FASN: variants seen among roughly 807,000 people sequenced by gnomAD.
The protein encoded by FASN is 3-hydroxyacyl-[acyl-carrier-protein] dehydratase.
A neutral mutation model predicts 250.0 loss-of-function variants in FASN; 50 were observed. The observed-to-expected ratio is 0.20, with a 90% CI of 0.16 to 0.25. The LOEUF is 0.25. Ranked by LOEUF, FASN falls within the 10% of genes least tolerant of loss-of-function variation. The probability of loss-of-function intolerance (pLI) is 1.00; values close to 1 mark genes in which losing one functional copy is unlikely to be tolerated. For missense variants in FASN, 3,031 were observed against 3,498.5 expected, an observed-to-expected ratio of 0.87 and a Z score of 3.37; for synonymous variants, 1,909 against 1,584.0, an observed-to-expected ratio of 1.21 and a Z score of -4.87.
In FASN at chr17:82,088,044, G is replaced by A. The variant is rs762317499; in HGVS notation, c.2786-10C>T. 1.6e-5 allele frequency: 26 copies of A among 1,612,614 alleles called. No individual in the cohort carries two copies. The highest frequency in any genetic ancestry group is 1.6e-4 in the Middle Eastern group (1 of 6,084). ...TCCAGGGACACTGTCCCTGCAGAGC[G>A]GGAGAGTTGGAGATCAGAGGGCAGC... On this transcript the variant is annotated splice_polypyrimidine_tract_variant and intron_variant, in intron 17 of 42. Transcript: ENST00000306749.
At position 82,088,685 on chromosome 17, in the gene FASN, G is replaced by A. The variant is rs113270121; in HGVS notation, c.2420+76C>T. 16 of 1,515,926 alleles carry A rather than the reference G, an allele frequency of 1.1e-5. No individual in the cohort carries two copies. In the African/African-American group the frequency reaches 1.2e-4, roughly 12 times the overall value. The allele number at this position is 1,515,926 out of a possible 1,614,324, so 93.9% of individuals were successfully genotyped here. ...CTGCCACCGGCCTGGGTCAGTGAGG[G>A]GCCCGCAGCCCCGCTCACCCACCCC... On this transcript the variant is annotated intron_variant, in intron 15 of 42. Transcript: ENST00000306749.
rs770505913 is a variant in FASN, at chr17:82,088,986, G to A, written c.2287C>T (p.Pro763Ser). 1.2e-6 allele frequency: 2 copies of A among 1,609,322 alleles called. No homozygotes were observed. Among genetic ancestry groups the A allele is most frequent in the Middle Eastern group, 1.7e-4 (1 of 6,054 alleles). The change falls in exon 14 of 43, where the codon CCC becomes TCC. Residue 763 changes from proline to serine, a missense_variant. Pro to Ser is a moderately conservative substitution (Grantham distance 74, BLOSUM62 -1). Coordinates refer to ENST00000306749, the MANE Select transcript of FASN (RefSeq NM_004104.5). ...GGGCCTACCTGCAGCAGGGCGTGGG[G>A]CGCGATCTCCAGCACCACCGCGTGC... ...PEHAVVLEIA[P>S]HALLQAVLKR...
chr17:82,085,135 A>G lies in FASN; in HGVS notation c.4309T>C (p.Ser1437Pro). The G allele has an allele frequency of 1.9e-6, 3 of 1,612,066 alleles. No homozygotes were observed. In the East Asian group the frequency reaches 6.7e-5, roughly 36 times the overall value. ...SLKGILADEDSSRPVWLKAIN... is the reference protein window; with the variant it reads ...SLKGILADEDPSRPVWLKAIN... Reference sequence around the variant, plus strand: ...GCCTTCAGCCACACAGGCCGGGAAGAGTCTTCGTCAGCCAGGATGCCCTAC... The same window carrying G: ...GCCTTCAGCCACACAGGCCGGGAAGGGTCTTCGTCAGCCAGGATGCCCTAC... Residue 1437 changes from serine (S) to proline (P), a missense_variant, in exon 25 of 43, where the codon TCT (serine) becomes CCT (proline). Transcript: ENST00000306749.
At position 82,086,334 on chromosome 17, in the gene FASN, G is replaced by A. The variant is rs1241494145; in HGVS notation, c.3652C>T (p.Leu1218Phe). The part of the protein sequence containing the change: ...KLPEDPLLSG[L>F]LDSPALKACL... ...GCCTTGAGTGCCGGGGAGTCCAGGAGGCCGCTGAGCAGAGGGTCCTCTGGC... is the reference window on the plus strand; with the variant it reads ...GCCTTGAGTGCCGGGGAGTCCAGGAAGCCGCTGAGCAGAGGGTCCTCTGGC... Residue 1218 changes from leucine to phenylalanine, a missense_variant, in exon 22 of 43, where the codon CTC becomes TTC. Transcript: ENST00000306749. 2 of 1,605,870 alleles carry A rather than the reference G, an allele frequency of 1.2e-6. No individual in the cohort carries two copies. The highest frequency in any genetic ancestry group is 2.7e-5 in the African/African-American group (2 of 75,004).
At chr17:82,094,587 G>A (rs1004251692) in intron 3 of FASN, among the ~76,000 whole-genome samples, 6 of 151,914 alleles carry the variant, frequency 3.9e-5, no homozygotes, top group Admixed American at 2.6e-4. Context: ...TCAAGAGATC[G>A]AGACCATCCT....
At chr17:82,091,117 G>T in intron 9 of FASN, 48 bp from the exon 10 acceptor site, 1 of 1,606,312 alleles carries the variant, frequency 6.2e-7, no homozygotes. Context: ...CCGTGCCACT[G>T]TGTGCCCATC....
chr17:82,093,679 C>T lies in FASN; in HGVS notation c.373G>A (p.Glu125Lys), dbSNP rs750528509. 3 of 1,612,628 alleles carry T rather than the reference C, an allele frequency of 1.9e-6. No individual in the cohort carries two copies. The highest frequency in any genetic ancestry group is 1.7e-5 in the Admixed American group (1 of 60,014). Residue 125 changes from glutamate (E) to lysine (K), a missense_variant, in exon 4 of 43, where the codon GAG (glutamate) becomes AAG (lysine). Transcript: ENST00000306749. ...ACCATGCTGTAGCCCACGAGTGTCT[C>T]GGGGTCTCGGCTCAGGGCCTCCGAG... ...ETSEALSRDP[E>K]TLVGYSMVGC...
Position 82,087,383 on chromosome 17 carries a change from G to A in FASN, c.3165C>T (p.Ile1055=), listed in dbSNP as rs761118629. ...GCCTGTGGGTGGCAGGGTCGATGTG[G>A]ATGGCGGTGACACGGGTGGGCAGGT... is the stretch of plus-strand genomic sequence containing the variant. ...GLYLPTRVTA[I]HIDPATHRQK... Residue 1055 remains isoleucine (I), a synonymous_variant, in exon 20 of 43, where the codon ATC becomes ATT. Coordinates refer to ENST00000306749, the MANE Select transcript of FASN (RefSeq NM_004104.5). 1.9e-5 allele frequency: 30 copies of A among 1,612,594 alleles called. No homozygotes were observed. The highest frequency in any genetic ancestry group is 5.3e-5 in the African/African-American group (4 of 74,920).
chr17:82,095,112 C>T (rs1216630564), intron 3 of FASN, among the ~76,000 whole-genome samples: 2 of 152,238 alleles, frequency 1.3e-5, no homozygotes, highest in Non-Finnish European at 2.9e-5. Flanking sequence ...TCAGGGCACA[C>T]CCGCGACACC....
intron 1 of FASN, 129 bp from the exon 2 acceptor site, chr17:82,096,581 C>T: frequency 1.5e-6 from 2 of 1,363,968 alleles, no homozygotes; most frequent in Non-Finnish European, 2.1e-6. Context: ...CGGGCCCTGG[C>T]TCCTGCGGCT....
rs1462483382 is a variant in FASN, at chr17:82,086,365, G to A, written c.3621C>T (p.Pro1207=). ...ELAQVLAQER[P]KLPEDPLLSG... Reference sequence around the variant, plus strand: ...TGAGCAGAGGGTCCTCTGGCAGCTTGGGCCTCTCCTGGGCCAGCACCTGCG... The same window carrying A: ...TGAGCAGAGGGTCCTCTGGCAGCTTAGGCCTCTCCTGGGCCAGCACCTGCG... Residue 1207 remains proline, a synonymous_variant, in exon 22 of 43, where the codon CCC becomes CCT. Coordinates refer to ENST00000306749, the MANE Select transcript of FASN (RefSeq NM_004104.5). 1 of 1,608,926 alleles carries A rather than the reference G, an allele frequency of 6.2e-7. No homozygotes were observed. Among genetic ancestry groups the A allele is most frequent in the South Asian group, 1.1e-5 (1 of 90,952 alleles).
In FASN at chr17:82,078,907, C is replaced by G; in HGVS notation, c.*236G>C. On this transcript the variant is annotated 3_prime_UTR_variant, in exon 43 of 43. Coordinates refer to ENST00000306749, the MANE Select transcript of FASN (RefSeq NM_004104.5). This position sits in a 1 kb window ranked among gnomAD's most constrained non-coding sequence, Gnocchi z 5.4. ...TTCCTGCGGGCACGGGCACCACCGG[C>G]TCTTCACAGACCAGGAGTCTCCAAG... is the stretch of plus-strand genomic sequence containing the variant. The G allele has an allele frequency of 1.7e-6, 1 of 594,746 alleles. No homozygotes were observed. 36.8% of individuals were successfully genotyped at this position (594,746 alleles called of 1,614,324 possible).
At position 82,088,200 on chromosome 17, in the gene FASN, G is replaced by A. The variant is rs768819928; in HGVS notation, c.2701C>T (p.Arg901Cys). The A allele has an allele frequency of 1.7e-5, 27 of 1,612,020 alleles. No individual in the cohort carries two copies. Among genetic ancestry groups the A allele is most frequent in the African/African-American group, 5.3e-5 (4 of 74,932 alleles). The change falls in exon 17 of 43, where the codon CGC (arginine) becomes TGC (cysteine). Residue 901 changes from arginine to cysteine, a missense_variant. Transcript: ENST00000306749. ...YLSIVWKTLA[R>C]ALGLGVEQLP... ...TGCTCGACGCCCAGGCCCAGGGCGC[G>A]GGCCAGCGTCTTCCACACTATGCTC...
At chr17:82,079,656 G>T in intron 41 of FASN, 48 bp from the exon 42 acceptor site, 1 of 1,593,880 alleles carries the variant, frequency 6.3e-7, no homozygotes. Flanking sequence ...CACAGCACCG[G>T]CCTGCCCTGT....
intron 14 of FASN, 46 bp from the exon 15 acceptor site, chr17:82,088,922 C>T (rs573628927): frequency 9.9e-6 from 16 of 1,609,016 alleles, no homozygotes; most frequent in African/African-American, 9.3e-5. Flanking sequence ...TCAGCTGAGG[C>T]GCCCATCCCA....
At position 82,081,393 on chromosome 17, in the gene FASN, T is replaced by C. The variant is rs757270190; in HGVS notation, c.6407-41A>G. The C allele has an allele frequency of 5.8e-6, 9 of 1,560,426 alleles. No homozygotes were observed. In the Admixed American group the frequency reaches 7.5e-5, roughly 13 times the overall value. On this transcript the variant is annotated intron_variant, in intron 37 of 42. Coordinates refer to ENST00000306749, the MANE Select transcript of FASN (RefSeq NM_004104.5). ...CGGGTCGGCAACTCCAGAGGGGGCA[T>C]GGGGACGGCCTGTATGCGGCAGGGC...
intron 1 of FASN, among the ~76,000 whole-genome samples, chr17:82,097,754 C>T (rs1198192634): frequency 6.6e-6 from 1 of 152,130 alleles, no homozygotes; most frequent in Non-Finnish European, 1.5e-5. Context: ...TCGGGCTGGG[C>T]CTCGGCTCCG....
rs1242131036 is a variant in FASN at position 82,093,429 on chromosome 17, A to G, written c.455-10T>C. On this transcript the variant is annotated splice_polypyrimidine_tract_variant and intron_variant, in intron 4 of 42. Transcript: ENST00000306749. ...AGTGCGATGCTGGGCCCTGCAAGGA[A>G]GGGTGCTGCGGCTCAGGTGGGGCTG... The G allele has an allele frequency of 1.9e-6, 3 of 1,596,998 alleles. No individual in the cohort carries two copies. The highest frequency in any genetic ancestry group is 2.7e-5 in the African/African-American group (2 of 74,782).
In FASN at chr17:82,085,295, G is replaced by A. The variant is rs1156918107; in HGVS notation, c.4230C>T (p.Asp1410=). 5.6e-6 allele frequency: 9 copies of A among 1,611,242 alleles called. No homozygotes were observed. Among genetic ancestry groups the A allele is most frequent in the South Asian group, 3.3e-5 (3 of 91,004 alleles). Residue 1410 remains aspartate, a synonymous_variant, in exon 24 of 43, where the codon GAC becomes GAT. Transcript: ENST00000306749. ...CGTCCACCGGCAGGAAGATGGGGCT[G>A]TCCTGCGGGGTGGGCCGGCGGCACA... is the stretch of plus-strand genomic sequence containing the variant. ...LFLCRRPTPQ[D]SPIFLPVDDT... is the part of the protein sequence containing the mutation.
Sources: gnomAD v4.1 joint callset for allele counts (sites outside exome capture counted in the v4.1 genomes callset) on GRCh38, gnomAD v4.1.1 for gene constraint, Gnocchi (gnomAD v3.1) non-coding constraint, MANE v1.5 for transcripts, NCBI Gene and HGNC (gene_info 2026-07-23, HGNC 2026-07-21) for gene names.